ANK1: variants seen among roughly 807,000 people sequenced by gnomAD.
The protein encoded by ANK1 is ankyrin-1.
ANK1 carries 51 observed loss-of-function variants against 210.4 expected under a neutral mutation model. That is an observed-to-expected ratio of 0.24 (90% CI 0.19 to 0.31). The LOEUF (loss-of-function observed/expected upper bound fraction) is 0.31. Ranked by LOEUF, ANK1 falls within the 10% of genes least tolerant of loss-of-function variation. The pLI is 1.00. For synonymous variants in ANK1, 967 were observed against 1,025.9 expected (o/e 0.94, Z 1.10); for missense variants, 2,051 against 2,504.4 (o/e 0.82, Z 3.86).
intron 9 of ANK1, among the ~76,000 whole-genome samples, chr8:41,722,023 G>C (rs1000066317): frequency 6.6e-6 from 1 of 152,178 alleles, no homozygotes; most frequent in African/African-American, 2.4e-5. Context: ...ACTGATAGTA[G>C]CAATTCTACT....
At chr8:41,753,563 G>C (rs544001011) in intron 2 of ANK1, among the ~76,000 whole-genome samples, 1 of 152,074 alleles carries the variant, frequency 6.6e-6, no homozygotes, top group Admixed American at 6.5e-5. Flanking sequence ...GTTTAGATTC[G>C]GGGGTACCTG....
At chr8:41,792,750 A>G (rs1424038730) in intron 1 of ANK1, among the ~76,000 whole-genome samples, 5 of 152,244 alleles carry the variant, frequency 3.3e-5, no homozygotes, top group Non-Finnish European at 7.3e-5. Flanking sequence ...ATGAATTTTA[A>G]AAAATCCCAA....
intron 2 of ANK1, among the ~76,000 whole-genome samples, chr8:41,745,741 C>A (rs1026078167): frequency 3.9e-5 from 6 of 152,112 alleles, no homozygotes; most frequent in African/African-American, 1.2e-4. Context: ...CTATGTTGCC[C>A]AGGCTGGAGT....
At chr8:41,867,899 G>A (rs912843618) in intron 1 of ANK1, among the ~76,000 whole-genome samples, 3 of 152,130 alleles carry the variant, frequency 2.0e-5, no homozygotes, top group African/African-American at 2.4e-5. Flanking sequence ...TCTCTCTGTC[G>A]TCCAGGCTGG....
chr8:41,714,252 A>G lies in ANK1; in HGVS notation c.1704T>C (p.Asn568=). Residue 568 remains asparagine, a splice_region_variant and synonymous_variant, in exon 16 of 43, where the codon AAT becomes AAC. Transcript: ENST00000289734. ...RDAHPNAAGK[N]GLTPLHVAVH... is the part of the protein sequence containing the mutation. ...CGGCCACGTGCAGGGGGGTCAGGCC[A>G]TTCTGCAGGGGACAAAGACAAAAGA... 1 of 1,539,246 alleles carries G rather than the reference A, an allele frequency of 6.5e-7. No individual in the cohort carries two copies. Among genetic ancestry groups the G allele is most frequent in the African/African-American group, 1.4e-5 (1 of 73,558 alleles).
intron 40 of ANK1, 102 bp from the exon 41 acceptor site, chr8:41,662,043 G>C: frequency 2.1e-6 from 3 of 1,451,426 alleles, no homozygotes; most frequent in Non-Finnish European, 2.8e-6. Context: ...GATCATCTGA[G>C]GTCAGGAGTT....
chr8:41,674,162 C>T (rs1167864014), intron 37 of ANK1, among the ~76,000 whole-genome samples: 1 of 152,098 alleles, frequency 6.6e-6, no homozygotes, highest in East Asian at 1.9e-4. Flanking sequence ...GGCCTCAGCT[C>T]CTGATCACCT....
intron 1 of ANK1, among the ~76,000 whole-genome samples, chr8:41,854,504 T>C (rs757069364): frequency 1.3e-5 from 2 of 152,082 alleles, no homozygotes; most frequent in Admixed American, 6.6e-5. Flanking sequence ...TAAAGCACCT[T>C]CACGTGCTTT....
chr8:41,805,793 A>G (rs1424740358), intron 1 of ANK1, among the ~76,000 whole-genome samples: 5 of 152,230 alleles, frequency 3.3e-5, no homozygotes, highest in Non-Finnish European at 7.3e-5. Flanking sequence ...CTTAAGAAAA[A>G]AACAGATACG....
intron 1 of ANK1, among the ~76,000 whole-genome samples, chr8:41,795,551 T>G (rs1319434310): frequency 1.3e-5 from 2 of 151,852 alleles, no homozygotes; most frequent in Admixed American, 1.3e-4. Flanking sequence ...ATATAAAAAC[T>G]AATTACAGCT....
chr8:41,771,792 T>C (rs192508836), intron 1 of ANK1, among the ~76,000 whole-genome samples: 3 of 152,310 alleles, frequency 2.0e-5, no homozygotes, highest in East Asian at 3.9e-4. Context: ...AAATAGACTA[T>C]GCAGCACTTA....
Position 41,692,736 on chromosome 8 carries a change from C to T in ANK1, c.3770G>A (p.Arg1257His), listed in dbSNP as rs777970142. ...TTTATCATCTGTCATGCAGTAGCAG[C>T]GCAGGCGCCCCTCTCGGGGGTCATT... ...KMNDPREGRL[R>H]CYCMTDDKVD... is the part of the protein sequence containing the mutation. Residue 1257 changes from arginine (R) to histidine (H), a missense_variant, in exon 31 of 43, where the codon CGC (arginine) becomes CAC (histidine). Arg to His is a conservative substitution (Grantham distance 29). Coordinates refer to ENST00000289734, the MANE Select transcript of ANK1 (RefSeq NM_000037.4). 8.1e-6 allele frequency: 13 copies of T among 1,614,012 alleles called. No individual in the cohort carries two copies. Among genetic ancestry groups the T allele is most frequent in the South Asian group, 6.6e-5 (6 of 91,074 alleles).
At chr8:41,732,147 T>C (rs768806225) in intron 3 of ANK1, among the ~76,000 whole-genome samples, 6 of 152,264 alleles carry the variant, frequency 3.9e-5, no homozygotes, top group Non-Finnish European at 7.3e-5. Flanking sequence ...GGTAGTTCAC[T>C]TCATAACCAT....
intron 1 of ANK1, among the ~76,000 whole-genome samples, chr8:41,764,665 C>T (rs1190216025): frequency 1.3e-5 from 2 of 152,192 alleles, no homozygotes; most frequent in Non-Finnish European, 2.9e-5. Context: ...CTTCTGGTGT[C>T]TCTTCCCCTC....
chr8:41,849,933 T>C (rs559519079), intron 1 of ANK1, among the ~76,000 whole-genome samples: 40 of 152,108 alleles, frequency 2.6e-4, no homozygotes, highest in Non-Finnish European at 4.7e-4. Context: ...GCAGACAGTA[T>C]CACCACAGGG....
chr8:41,810,905 T>G (rs1182266237), intron 1 of ANK1, among the ~76,000 whole-genome samples: 1 of 152,170 alleles, frequency 6.6e-6, no homozygotes. Context: ...ATCACAGAGG[T>G]GCCTAAAATC....
intron 1 of ANK1, among the ~76,000 whole-genome samples, chr8:41,771,014 C>G (rs1171740747): frequency 6.6e-6 from 1 of 152,200 alleles, no homozygotes; most frequent in Non-Finnish European, 1.5e-5. Flanking sequence ...ACCTACTCCT[C>G]TATGTGACTG....
chr8:41,802,995 G>GAA (rs1554630755), intron 1 of ANK1, among the ~76,000 whole-genome samples: 9 of 57,532 alleles, frequency 1.6e-4, no homozygotes, highest in South Asian at 8.5e-4. Flanking sequence ...GAGAGAAAGA[G>GAA]AGAAAGAAAG....
chr8:41,690,866 G>A (rs577123930), intron 31 of ANK1, among the ~76,000 whole-genome samples: 1 of 152,314 alleles, frequency 6.6e-6, no homozygotes, highest in Admixed American at 6.5e-5. Context: ...TTGCTATCAA[G>A]TATTCCAAAA....
Sources: allele counts gnomAD v4.1 joint callset (sites outside exome capture counted in the v4.1 genomes callset), GRCh38; gene constraint gnomAD v4.1.1; transcripts MANE v1.5; gene names NCBI Gene and HGNC (gene_info 2026-07-23, HGNC 2026-07-21).